HOOK3: variants seen among roughly 807,000 people sequenced by gnomAD.
HOOK3 encodes the protein hook microtubule tethering protein 3, also known as protein Hook homolog 3.
HOOK3 carries 24 observed loss-of-function variants against 116.3 expected under a neutral mutation model. That is an observed-to-expected ratio of 0.21 (90% confidence interval 0.15 to 0.29). HOOK3 has a LOEUF of 0.29. Ranked by LOEUF, HOOK3 falls within the 10% of genes least tolerant of loss-of-function variation. The probability of loss-of-function intolerance (pLI) is 1.00; values close to 1 mark genes in which losing one functional copy is unlikely to be tolerated. For synonymous variants in HOOK3, 275 were observed against 283.0 expected (o/e 0.97, Z 0.28); for missense variants, 632 against 830.2 (o/e 0.76, Z 2.93).
At chr8:42,988,966 T>C (rs1809102540) in intron 15 of HOOK3, among the ~76,000 whole-genome samples, 2 of 152,168 alleles carry the variant, frequency 1.3e-5, no homozygotes, top group Admixed American at 6.6e-5. Flanking sequence ...GTTGACAACA[T>C]TGGGTCCCAC....
At chr8:42,930,721 C>A (rs1807856190) in intron 4 of HOOK3, among the ~76,000 whole-genome samples, 1 of 152,090 alleles carries the variant, frequency 6.6e-6, no homozygotes, top group Non-Finnish European at 1.5e-5. Context: ...ATGTTTATAC[C>A]CGTAGCACTG....
Position 42,985,623 on chromosome 8 carries a change from A to G in HOOK3, c.1392-1032A>G, listed in dbSNP as rs888255539. ...TGTGTTTACTTTGTAACTGAAAAAT[A>G]TACGGTCCATGTTGCCCATACTGAG... On this transcript the variant is annotated intron_variant, in intron 14 of 21. Transcript: ENST00000307602. Among the ~76,000 whole-genome samples the G allele has an allele frequency of 2.0e-5, 3 of 152,158 alleles. No individual in the cohort carries two copies. The South Asian group carries it at 6.2e-4, about 32-fold the overall frequency.
At chr8:42,989,698 T>C (rs1473595397) in intron 15 of HOOK3, among the ~76,000 whole-genome samples, 2 of 152,122 alleles carry the variant, frequency 1.3e-5, no homozygotes, top group Non-Finnish European at 2.9e-5. Context: ...CTAGGTCTTA[T>C]TCATTCTTTC....
At chr8:42,993,984 A>G (rs957306183) in intron 15 of HOOK3, among the ~76,000 whole-genome samples, 3 of 151,660 alleles carry the variant, frequency 2.0e-5, no homozygotes, top group Middle Eastern at 6.8e-3. Context: ...CTTCATTTCA[A>G]ATTCATTTAT....
At chr8:42,992,770 A>G (rs903309372) in intron 15 of HOOK3, among the ~76,000 whole-genome samples, 5 of 150,410 alleles carry the variant, frequency 3.3e-5, no homozygotes, top group African/African-American at 1.2e-4. Context: ...TTGTAATTTG[A>G]CTTCTTCCTT....
intron 15 of HOOK3, among the ~76,000 whole-genome samples, chr8:42,993,448 A>G (rs1809205404): frequency 6.6e-6 from 1 of 152,076 alleles, no homozygotes; most frequent in African/African-American, 2.4e-5. Context: ...TGCCTGGCCT[A>G]TAGTTTTGTT....
At chr8:43,001,327 C>G (rs925072374) in intron 16 of HOOK3, among the ~76,000 whole-genome samples, 1 of 152,018 alleles carries the variant, frequency 6.6e-6, no homozygotes, top group African/African-American at 2.4e-5. Context: ...TTCCTTTTCC[C>G]TTATCACTGG....
At chr8:43,006,783 A>G (rs562655427) in intron 17 of HOOK3, among the ~76,000 whole-genome samples, 2 of 152,312 alleles carry the variant, frequency 1.3e-5, no homozygotes, top group South Asian at 2.1e-4. Flanking sequence ...AGCATCATGC[A>G]TAGAAAAGAT....
chr8:42,990,659 A>T (rs1001876523), intron 15 of HOOK3, among the ~76,000 whole-genome samples: 17 of 151,890 alleles, frequency 1.1e-4, no homozygotes, highest in Non-Finnish European at 1.6e-4. Context: ...GCCTATTTTT[A>T]AAATCGGATT....
In HOOK3 at chr8:42,959,275, G is replaced by T. The variant is rs1808493386; in HGVS notation, c.576G>T (p.Lys192Asn). 6.2e-7 allele frequency: 1 copy of T among 1,613,736 alleles called. No individual in the cohort carries two copies. Among genetic ancestry groups the T allele is most frequent in the Admixed American group, 1.7e-5 (1 of 59,980 alleles). Residue 192 changes from lysine (K) to asparagine (N), a missense_variant, in exon 8 of 22, where the codon AAG (lysine) becomes AAT (asparagine). Lys to Asn is a moderately conservative substitution (Grantham distance 94, BLOSUM62 0). This residue lies in a region of HOOK3 where 483 missense variants were observed against 648.1 expected (regional missense o/e 0.75). Transcript: ENST00000307602. ...AACTAAATGAAGCTTTGTCAGCAAA[G>T]GAAGAAATTGCTCAAAGATGCCATG... Reference protein sequence around the residue: ...TEELNEALSAKEEIAQRCHEL... With the variant: ...TEELNEALSANEEIAQRCHEL...
At chr8:42,948,994 A>C (rs953423847) in intron 5 of HOOK3, among the ~76,000 whole-genome samples, 1 of 152,230 alleles carries the variant, frequency 6.6e-6, no homozygotes, top group African/African-American at 2.4e-5. Context: ...CATTAACCAG[A>C]AGTCATAATT....
rs904627326 is a variant in HOOK3 at position 43,024,430 on chromosome 8, T to G, written c.*5932T>G. ...CATTTTTTCTATTTTTTCATTTTTA[T>G]AAATTAGAAGGATTTTCCATTCAAT... is the stretch of plus-strand genomic sequence containing the variant. On this transcript the variant is annotated 3_prime_UTR_variant, in exon 22 of 22. Transcript: ENST00000307602. 1.1e-5 allele frequency: 2 copies of G among 185,162 alleles called. No homozygotes were observed. Among genetic ancestry groups the G allele is most frequent in the African/African-American group, 4.7e-5 (2 of 42,640 alleles). 11.5% of individuals were successfully genotyped at this position (185,162 alleles called of 1,614,324 possible).
In HOOK3 at chr8:42,934,551, C is replaced by A. The variant is rs184221493; in HGVS notation, c.267+4379C>A. ...ATGCTATCCCTCCCCTAGCCCCCCT[C>A]CCCCGCACCAGGCCCCAGTGGGTGA... On this transcript the variant is annotated intron_variant, in intron 4 of 21. Coordinates refer to ENST00000307602, the MANE Select transcript of HOOK3 (RefSeq NM_032410.4). Among the ~76,000 whole-genome samples the A allele has an allele frequency of 5.9e-4, 90 of 151,962 alleles. 3 individuals are homozygous for A. In the East Asian group the frequency reaches 0.012, roughly 21 times the overall value.
chr8:42,986,844 C>T lies in HOOK3; in HGVS notation c.1532+49C>T, dbSNP rs774501330. ...TCTGGCTATAAGTTTTCCCTATTTG[C>T]CTTGATTCTGAATCCCTTAAACAAA... On this transcript the variant is annotated intron_variant, in intron 15 of 21. Transcript: ENST00000307602. 3 of 1,582,804 alleles carry T rather than the reference C, an allele frequency of 1.9e-6. No individual in the cohort carries two copies. In the African/African-American group the frequency reaches 4.1e-5, roughly 22 times the overall value.
In HOOK3 at chr8:43,020,417, T is replaced by C. The variant is rs1467838856; in HGVS notation, c.*1919T>C. ...CAAATAGCCTGAGGATCCAACTATT[T>C]TTAAAGCAAATTGGGGCCAGACGTG... On this transcript the variant is annotated 3_prime_UTR_variant, in exon 22 of 22. Coordinates refer to ENST00000307602, the MANE Select transcript of HOOK3 (RefSeq NM_032410.4). The C allele has an allele frequency of 1.1e-5, 2 of 190,290 alleles. No homozygotes were observed. Among genetic ancestry groups the C allele is most frequent in the East Asian group, 1.7e-4 (2 of 12,002 alleles). The allele number at this position is 190,290 out of a possible 1,614,324, so 11.8% of individuals were successfully genotyped here. A position where few individuals can be genotyped will look rare whatever the true frequency, so the allele number is the denominator to read the frequency against.
intron 4 of HOOK3, among the ~76,000 whole-genome samples, chr8:42,939,565 CGGGGGGCTG>C (rs1808056511): frequency 7.0e-6 from 1 of 142,934 alleles, no homozygotes; most frequent in Admixed American, 6.8e-5. Flanking sequence ...GCTGGCCGAG[CGGGGGGCTG>C]ACCCCCCCAC....
chr8:42,903,505 C>G (rs753024272), intron 1 of HOOK3, among the ~76,000 whole-genome samples: 1 of 149,958 alleles, frequency 6.7e-6, no homozygotes, highest in Non-Finnish European at 1.5e-5. Context: ...CCACAGCGCC[C>G]GACTAATTTT....
Position 43,022,624 on chromosome 8 carries a change from GAATC to G in HOOK3, c.*4129_*4132del. 1 of 184,138 alleles carries G rather than the reference GAATC, an allele frequency of 5.4e-6. No individual in the cohort carries two copies. The allele number at this position is 184,138 out of a possible 1,614,324, so 11.4% of individuals were successfully genotyped here. ...TAGTAGTGTATAATATCTGAAAAGA[GAATC>G]AAGTATACAATTGTACATATTTTTA... On this transcript the variant is annotated 3_prime_UTR_variant, in exon 22 of 22. Transcript: ENST00000307602.
intron 2 of HOOK3, 67 bp from the exon 3 acceptor site, chr8:42,925,490 T>C: frequency 9.6e-7 from 1 of 1,037,710 alleles, no homozygotes; most frequent in Non-Finnish European, 1.4e-6. Context: ...TGGGATGAGA[T>C]TCAATTTTCT....
Sources: gnomAD v4.1 joint callset for allele counts (sites outside exome capture counted in the v4.1 genomes callset) on GRCh38, gnomAD v4.1.1 for gene constraint, gnomAD v4.1.1 regional missense constraint, MANE v1.5 for transcripts, NCBI Gene and HGNC (gene_info 2026-07-23, HGNC 2026-07-21) for gene names.